The following RNF125 variants were observed in gnomAD, a reference collection of about 807,000 sequenced individuals.
RNF125 encodes the protein ring finger protein 125.
A neutral mutation model predicts 26.0 loss-of-function variants in RNF125; 21 were observed. The ratio of observed to expected loss-of-function variants is 0.81; its 90% CI spans 0.57 to 1.16. The LOEUF is 1.16. Among genes scored for constraint, RNF125 ranks in the 50% most tolerant of loss-of-function variants. The pLI, the probability that RNF125 is intolerant of heterozygous loss-of-function variation, is 0.00. For synonymous variants in RNF125, 95 were observed against 109.2 expected, an observed-to-expected ratio of 0.87 and a Z score of 0.81; for missense variants, 270 against 299.4, an observed-to-expected ratio of 0.90 and a Z score of 0.72.
chr18:32,071,230 G>C lies in RNF125; in HGVS notation c.*2846G>C, dbSNP rs1598830603. On this transcript the variant is annotated 3_prime_UTR_variant, in exon 6 of 6. Coordinates refer to ENST00000217740, the MANE Select transcript of RNF125 (RefSeq NM_017831.4). ...GCTCACTGCAACCTCCGCCTCCCGG[G>C]TTCAAGTGATTCTCCTGCCTCAGCC... 2 of 151,742 alleles carry C rather than the reference G, an allele frequency of 1.3e-5. No homozygotes were observed. Among genetic ancestry groups the C allele is most frequent in the African/African-American group, 4.9e-5 (2 of 41,214 alleles). The allele number at this position is 151,742 out of a possible 1,614,324, so 9.4% of individuals were successfully genotyped here. A position where few individuals can be genotyped will look rare whatever the true frequency, so the allele number is the denominator to read the frequency against.
intron 4 of RNF125, among the ~76,000 whole-genome samples, chr18:32,055,561 C>T (rs747633443): frequency 2.0e-5 from 3 of 152,092 alleles, no homozygotes; most frequent in Admixed American, 2.0e-4. Flanking sequence ...CTACCACACA[C>T]GTATAAGACC....
At chr18:32,044,069 C>T (rs1331540252) in intron 3 of RNF125, among the ~76,000 whole-genome samples, 2 of 151,514 alleles carry the variant, frequency 1.3e-5, no homozygotes, top group African/African-American at 4.9e-5. Context: ...TGCAGCAGCG[C>T]AATCTTGGCT....
rs556923869 is a variant in RNF125 at position 32,033,282 on chromosome 18, T to C, written c.165-3834T>C. On this transcript the variant is annotated intron_variant, in intron 1 of 5. Coordinates refer to ENST00000217740, the MANE Select transcript of RNF125 (RefSeq NM_017831.4). ...TGTTTGTCAAAGTCAGGGAATCCCTTCTCCTGGGAGCCAAGAGGAAGCCTC... is the reference window on the plus strand; with the variant it reads ...TGTTTGTCAAAGTCAGGGAATCCCTCCTCCTGGGAGCCAAGAGGAAGCCTC... 3.3e-5 allele frequency among the ~76,000 whole-genome samples: 5 copies of C among 152,216 alleles called. No homozygotes were observed. In the South Asian group the frequency reaches 8.3e-4, roughly 25 times the overall value.
chr18:32,049,775 T>C (rs1473874011), intron 4 of RNF125, among the ~76,000 whole-genome samples: 2 of 152,138 alleles, frequency 1.3e-5, no homozygotes, highest in Non-Finnish European at 2.9e-5. Flanking sequence ...CCTGTGTTAG[T>C]GTTTCACTCT....
intron 4 of RNF125, among the ~76,000 whole-genome samples, chr18:32,050,186 A>G (rs1378737681): frequency 2.0e-5 from 3 of 152,126 alleles, no homozygotes; most frequent in Non-Finnish European, 4.4e-5. Flanking sequence ...CAAGATAACC[A>G]TCTTTTCTTT....
At chr18:32,081,148 C>G in the RNF125 span, among the ~76,000 whole-genome samples, 1 of 146,730 alleles carries the variant, frequency 6.8e-6, no homozygotes, top group Non-Finnish European at 1.5e-5. Context: ...GAGCCAAGAT[C>G]TCGCCACTGG....
chr18:32,023,055 T>C (rs555517288), intron 1 of RNF125, among the ~76,000 whole-genome samples: 30 of 152,256 alleles, frequency 2.0e-4, no homozygotes, highest in Middle Eastern at 3.4e-3. Flanking sequence ...CAATCATGGC[T>C]CACTGCAGCC....
the RNF125 span, among the ~76,000 whole-genome samples, chr18:32,090,780 C>A: frequency 5.3e-5 from 8 of 152,180 alleles, no homozygotes; most frequent in African/African-American, 1.2e-4. Flanking sequence ...CAATAAATGG[C>A]AGAATTGATT....
chr18:32,038,821 A>G (rs1381352819), intron 2 of RNF125, among the ~76,000 whole-genome samples: 1 of 152,018 alleles, frequency 6.6e-6, no homozygotes, highest in African/African-American at 2.4e-5. Flanking sequence ...GCTGGTGTGC[A>G]GTGGTGCGAT....
chr18:32,025,600 G>A (rs2039025764), intron 1 of RNF125, among the ~76,000 whole-genome samples: 1 of 149,712 alleles, frequency 6.7e-6, no homozygotes, highest in African/African-American at 2.5e-5. Context: ...AGGAGGTGGA[G>A]GTTGCAATAG....
chr18:32,065,446 C>T (rs931562710), intron 4 of RNF125, among the ~76,000 whole-genome samples: 4 of 151,700 alleles, frequency 2.6e-5, no homozygotes, highest in Non-Finnish European at 2.9e-5. Context: ...CCATCTTGGC[C>T]TGGCTGGTCT....
chr18:32,076,945 A>G (rs889089526), downstream of RNF125, among the ~76,000 whole-genome samples: 4 of 152,088 alleles, frequency 2.6e-5, no homozygotes, highest in Non-Finnish European at 5.9e-5. Context: ...AAATCTGTCT[A>G]TTGTTTTACT....
the RNF125 span, among the ~76,000 whole-genome samples, chr18:32,088,917 G>A: frequency 6.4e-3 from 969 of 152,246 alleles, 14 homozygotes; most frequent in African/African-American, 0.022. Context: ...TTCTGGGGGG[G>A]AAAGGTGGTT....
intron 4 of RNF125, among the ~76,000 whole-genome samples, chr18:32,052,399 A>G (rs1411442042): frequency 6.6e-6 from 1 of 151,644 alleles, no homozygotes; most frequent in Non-Finnish European, 1.5e-5. Flanking sequence ...AGGCTGAGGC[A>G]GGAGAATTGT....
intron 2 of RNF125, among the ~76,000 whole-genome samples, chr18:32,041,620 CTTTTTTTTTTTTT>C (rs60264747): frequency 8.6e-5 from 8 of 93,294 alleles, no homozygotes; most frequent in South Asian, 7.6e-4. Flanking sequence ...AATGTAGATG[CTTTTTTTTTTTTT>C]TTTTTTTTTT....
At chr18:32,074,548 T>C (rs569984078), downstream of RNF125, among the ~76,000 whole-genome samples, 19 of 152,274 alleles carry the variant, frequency 1.2e-4, no homozygotes, top group South Asian at 3.7e-3. Flanking sequence ...TCTTTTTCTT[T>C]TCTTTTTTTT....
At chr18:32,037,523 C>T (rs567013134) in intron 2 of RNF125, among the ~76,000 whole-genome samples, 1 of 151,972 alleles carries the variant, frequency 6.6e-6, no homozygotes, top group South Asian at 2.1e-4. Flanking sequence ...CAGGCACCTG[C>T]CATCACGCCT....
rs1598805022 is a variant in RNF125 at position 32,020,682 on chromosome 18, A to G, written c.164+1655A>G. Reference sequence around the variant, plus strand: ...CTAGCACTTTGGGAAGCCGAGGTGGATGGATCACCTGAGGTCAGGAGTTCG... The same window carrying G: ...CTAGCACTTTGGGAAGCCGAGGTGGGTGGATCACCTGAGGTCAGGAGTTCG... On this transcript the variant is annotated intron_variant, in intron 1 of 5. Coordinates refer to ENST00000217740, the MANE Select transcript of RNF125 (RefSeq NM_017831.4). Among the ~76,000 whole-genome samples, 6 of 151,630 alleles carry G rather than the reference A, an allele frequency of 4.0e-5. No individual in the cohort carries two copies. In the South Asian group the frequency reaches 1.3e-3, roughly 32 times the overall value.
intron 2 of RNF125, 127 bp downstream of exon 2, chr18:32,037,396 G>A: frequency 2.0e-6 from 1 of 503,740 alleles, no homozygotes; most frequent in Non-Finnish European, 3.1e-6. Context: ...TTTTGAGACA[G>A]GTTCTCGCTC....
Sources: gnomAD v4.1 joint callset for allele counts (sites outside exome capture counted in the v4.1 genomes callset) on GRCh38, gnomAD v4.1.1 for gene constraint, MANE v1.5 for transcripts, NCBI Gene and HGNC (gene_info 2026-07-23, HGNC 2026-07-21) for gene names.